Variants in TNFRSF11A observed in about 807,000 individuals in gnomAD.
The protein encoded by TNFRSF11A is TNF receptor superfamily member 11a, also known as tumor necrosis factor receptor superfamily member 11A.
Under a neutral mutation model 55.7 loss-of-function variants are expected in TNFRSF11A, and 32 were observed. The ratio of observed to expected loss-of-function variants is 0.57; its 90% CI spans 0.43 to 0.77. The LOEUF (loss-of-function observed/expected upper bound fraction) is 0.77, where lower values mean the gene tolerates loss of function less well. Ranked by LOEUF, TNFRSF11A falls within the 30% of genes least tolerant of loss-of-function variation. TNFRSF11A has a pLI of 0.00. For synonymous variants in TNFRSF11A, 311 were observed against 331.0 expected (o/e 0.94, Z 0.65); for missense variants, 753 against 809.8 (o/e 0.93, Z 0.85).
intron 9 of TNFRSF11A, among the ~76,000 whole-genome samples, chr18:62,373,394 G>C (rs752079039): frequency 7.2e-5 from 11 of 152,074 alleles, no homozygotes; most frequent in Non-Finnish European, 1.5e-4. Context: ...GGGAGGTGGA[G>C]GTGATCTGAG....
Position 62,361,769 on chromosome 18 carries a change from A to G in TNFRSF11A, c.706A>G (p.Arg236Gly). The G allele has an allele frequency of 6.2e-7, 1 of 1,614,118 alleles. No homozygotes were observed. The highest frequency in any genetic ancestry group is 1.3e-5 in the African/African-American group (1 of 75,026). The change falls in exon 7 of 10, where the codon AGG (arginine) becomes GGG (glycine). Residue 236 changes from arginine (R) to glycine (G), a missense_variant. Around this residue, in one of 3 missense-constraint regions of TNFRSF11A, gnomAD observed 567 missense variants for 596.7 expected, o/e 0.95. Coordinates refer to ENST00000586569, the MANE Select transcript of TNFRSF11A (RefSeq NM_003839.4). ...VAAIIFGVCY[R>G]KKGKALTANL... ...TGCCATCATCTTTGGCGTTTGCTATAGGAAAAAAGGGAAAGCACTCACAGG... is the reference window on the plus strand; with the variant it reads ...TGCCATCATCTTTGGCGTTTGCTATGGGAAAAAAGGGAAAGCACTCACAGG...
intron 1 of TNFRSF11A, among the ~76,000 whole-genome samples, chr18:62,347,875 G>C (rs2046406300): frequency 6.7e-6 from 1 of 150,050 alleles, no homozygotes; most frequent in Admixed American, 6.7e-5. Context: ...TTGCACTCCA[G>C]CCTGGGCAAT....
At chr18:62,354,197 G>A (rs563876102) in intron 3 of TNFRSF11A, among the ~76,000 whole-genome samples, 194 bp from the exon 4 acceptor site, 35 of 152,196 alleles carry the variant, frequency 2.3e-4, no homozygotes, top group Non-Finnish European at 4.9e-4. Context: ...GAACCCCCCC[G>A]TGACGTTTTC....
intron 8 of TNFRSF11A, 84 bp downstream of exon 8, chr18:62,366,844 C>A (rs1361795711): frequency 5.4e-6 from 7 of 1,307,354 alleles, no homozygotes; most frequent in Admixed American, 1.7e-5. Flanking sequence ...TATTGAGCAC[C>A]CCCCCCCACC....
intron 1 of TNFRSF11A, chr18:62,330,836 T>G (rs528528026): frequency 6.6e-6 from 1 of 152,404 alleles, no homozygotes; most frequent in East Asian, 1.9e-4. Context: ...CAATGGTGTT[T>G]ACAACCAATT....
At chr18:62,328,863 A>G (rs528401934) in intron 1 of TNFRSF11A, among the ~76,000 whole-genome samples, 3 of 152,226 alleles carry the variant, frequency 2.0e-5, no homozygotes, top group African/African-American at 4.8e-5. Flanking sequence ...TGTAATAGGA[A>G]CATACTCCCT....
intron 9 of TNFRSF11A, among the ~76,000 whole-genome samples, chr18:62,371,064 A>C (rs1266860996): frequency 6.6e-6 from 1 of 152,204 alleles, no homozygotes; most frequent in Non-Finnish European, 1.5e-5. Context: ...GCCTGACCTC[A>C]GGTGATCCAC....
intron 9 of TNFRSF11A, among the ~76,000 whole-genome samples, chr18:62,372,020 ACT>A: frequency 6.6e-6 from 1 of 152,294 alleles, no homozygotes; most frequent in South Asian, 2.1e-4. Flanking sequence ...GTGACTGGGG[ACT>A]TTTCCTTTAG....
chr18:62,385,074 G>A lies in TNFRSF11A; in HGVS notation c.*40G>A, dbSNP rs1026659588. 4.2e-6 allele frequency: 6 copies of A among 1,435,550 alleles called. No individual in the cohort carries two copies. Among genetic ancestry groups the A allele is most frequent in the East Asian group, 2.8e-5 (1 of 35,482 alleles). 88.9% of individuals were successfully genotyped at this position (1,435,550 alleles called of 1,614,324 possible). The stretch of plus-strand genomic sequence containing the variant: ...TGGGAGCCCGAAGCTCGGAGCCAGG[G>A]CTCGCGAGGGCAGCACCGCAGCCTC... On this transcript the variant is annotated 3_prime_UTR_variant, in exon 10 of 10. Transcript: ENST00000586569.
At chr18:62,336,375 G>A (rs2046233710) in intron 1 of TNFRSF11A, 1 of 152,236 alleles carries the variant, frequency 6.6e-6, no homozygotes, top group African/African-American at 2.4e-5. Flanking sequence ...AGTGAAGGAA[G>A]GGAGGGCAGC....
intron 4 of TNFRSF11A, among the ~76,000 whole-genome samples, chr18:62,356,615 A>G (rs749281593): frequency 6.6e-6 from 1 of 152,216 alleles, no homozygotes. Context: ...TCAATTCAGA[A>G]CAAGTCAGCC....
intron 1 of TNFRSF11A, among the ~76,000 whole-genome samples, chr18:62,331,744 G>A (rs2046157547): frequency 6.6e-6 from 1 of 152,206 alleles, no homozygotes; most frequent in Non-Finnish European, 1.5e-5. Flanking sequence ...TGTTTATGTT[G>A]GACCAAGAGC....
intron 1 of TNFRSF11A, among the ~76,000 whole-genome samples, chr18:62,330,464 A>G (rs2046135734): frequency 6.6e-6 from 1 of 152,214 alleles, no homozygotes. Context: ...CGAAGGAAGG[A>G]CAGGATTCCT....
In TNFRSF11A at chr18:62,388,383, G is replaced by A. The variant is rs1433727713; in HGVS notation, c.*3349G>A. ...GCTGTCACTTCTGCCACATTCTGTG[G>A]GCCAAAGCAGGTCACAAAGGCAGCC... On this transcript the variant is annotated 3_prime_UTR_variant, in exon 10 of 10. Coordinates refer to ENST00000586569, the MANE Select transcript of TNFRSF11A (RefSeq NM_003839.4). 1.3e-5 allele frequency: 2 copies of A among 152,296 alleles called. No homozygotes were observed. Among genetic ancestry groups the A allele is most frequent in the Non-Finnish European group, 2.9e-5 (2 of 68,108 alleles). The allele number at this position is 152,296 out of a possible 1,614,324, so 9.4% of individuals were successfully genotyped here.
intron 1 of TNFRSF11A, among the ~76,000 whole-genome samples, chr18:62,344,489 T>C (rs1295917232): frequency 6.6e-6 from 1 of 152,238 alleles, no homozygotes; most frequent in Non-Finnish European, 1.5e-5. Context: ...TATGCCCAAA[T>C]TTCCCCATTC....
rs2145411172 is a variant in TNFRSF11A, at chr18:62,386,683, C to G, written c.*1649C>G. ...GACTTTACTGGCCACAAATGCCCAG[C>G]TGAAGAGCATGACTGTGGATCACTG... On this transcript the variant is annotated 3_prime_UTR_variant, in exon 10 of 10. Coordinates refer to ENST00000586569, the MANE Select transcript of TNFRSF11A (RefSeq NM_003839.4). 1 of 152,358 alleles carries G rather than the reference C, an allele frequency of 6.6e-6. No individual in the cohort carries two copies. The highest frequency in any genetic ancestry group is 2.4e-5 in the African/African-American group (1 of 41,590). 9.4% of individuals were successfully genotyped at this position (152,358 alleles called of 1,614,324 possible). A position where few individuals can be genotyped will look rare whatever the true frequency, so the allele number is the denominator to read the frequency against.
chr18:62,345,117 G>A (rs902737803), intron 1 of TNFRSF11A, among the ~76,000 whole-genome samples: 5 of 152,332 alleles, frequency 3.3e-5, no homozygotes, highest in Middle Eastern at 3.4e-3. Context: ...AGTGCACAGC[G>A]CTCACCAGGC....
At position 62,385,978 on chromosome 18, in the gene TNFRSF11A, AAAG is replaced by A. The variant is rs1435136240; in HGVS notation, c.*947_*949del. The A allele has an allele frequency of 1.3e-5, 2 of 152,172 alleles. No homozygotes were observed. Among genetic ancestry groups the A allele is most frequent in the Non-Finnish European group, 2.9e-5 (2 of 68,024 alleles). 9.4% of individuals were successfully genotyped at this position (152,172 alleles called of 1,614,324 possible). On this transcript the variant is annotated 3_prime_UTR_variant, in exon 10 of 10. Coordinates refer to ENST00000586569, the MANE Select transcript of TNFRSF11A (RefSeq NM_003839.4). ...TTCTATATTCTCATTTTTCTAAAAG[AAAG>A]AAAAAAGGAAACCCGATTTATTTCT...
intron 4 of TNFRSF11A, among the ~76,000 whole-genome samples, 159 bp downstream of exon 4, chr18:62,354,693 A>G (rs1909120762): frequency 6.6e-6 from 1 of 152,188 alleles, no homozygotes; most frequent in African/African-American, 2.4e-5. Flanking sequence ...TCCACGAGAT[A>G]CAGGCCCAGG....
Sources: allele counts gnomAD v4.1 joint callset (sites outside exome capture counted in the v4.1 genomes callset), GRCh38; gene constraint gnomAD v4.1.1; regional missense constraint gnomAD v4.1.1; transcripts MANE v1.5; gene names NCBI Gene and HGNC (gene_info 2026-07-23, HGNC 2026-07-21).